Variants in MCM3AP observed in about 807,000 individuals in gnomAD.
MCM3AP encodes the protein germinal-center associated nuclear protein.
MCM3AP carries 126 observed loss-of-function variants against 184.1 expected under a neutral mutation model. That is an observed-to-expected ratio of 0.68 (90% CI 0.59 to 0.79). MCM3AP has a LOEUF of 0.79. Among genes scored for constraint, MCM3AP ranks in the 30% least tolerant of loss-of-function variants. MCM3AP has a pLI of 0.00. For synonymous variants in MCM3AP, 1,002 were observed against 979.3 expected, an observed-to-expected ratio of 1.02 and a Z score of -0.43; for missense variants, 2,496 against 2,479.2, an observed-to-expected ratio of 1.01 and a Z score of -0.14.
At chr21:46,246,022 TTA>T (rs2033604208) in intron 22 of MCM3AP, among the ~76,000 whole-genome samples, 1 of 152,252 alleles carries the variant, frequency 6.6e-6, no homozygotes, top group South Asian at 2.1e-4. Context: ...TGATTTCTGC[TTA>T]TGTTTTTAGA....
chr21:46,240,802 G>A lies in MCM3AP; in HGVS notation c.5633+9C>T, dbSNP rs893351720. The A allele has an allele frequency of 6.2e-7, 1 of 1,612,274 alleles. No homozygotes were observed. The highest frequency in any genetic ancestry group is 8.5e-7 in the Non-Finnish European group (1 of 1,178,942). On this transcript the variant is annotated intron_variant, in intron 26 of 27. Transcript: ENST00000291688. ...AAACACACATGAATTAGAAGGAAGT[G>A]GGCTTCACCTCTTGTTCTCTTCTTT...
At chr21:46,268,958 A>G (rs2145686471) in intron 9 of MCM3AP, among the ~76,000 whole-genome samples, 1 of 152,188 alleles carries the variant, frequency 6.6e-6, no homozygotes, top group South Asian at 2.1e-4. Flanking sequence ...GAATCACTTG[A>G]ACCCAGGAGG....
chr21:46,270,373 A>G (rs2145689660), intron 9 of MCM3AP, 28 bp downstream of exon 9: 2 of 1,587,984 alleles, frequency 1.3e-6, no homozygotes, highest in Non-Finnish European at 1.7e-6. Context: ...CTTTCTTCCA[A>G]CTCTGCAAGC....
In MCM3AP at chr21:46,265,481, G is replaced by A; in HGVS notation, c.3074C>T (p.Pro1025Leu). Residue 1025 changes from proline to leucine, a missense_variant, in exon 12 of 28, where the codon CCC becomes CTC. By Grantham distance (98) the Pro-to-Leu change is moderately conservative. Transcript: ENST00000291688. ...GEECGVEPDA[P>L]LSSLPQSLPA... ...TAGAGACTGTGGGAGACTGGACAGG[G>A]GTGCATCCGGCTCTACACCACACTC... is the stretch of plus-strand genomic sequence containing the variant. 1 of 1,606,738 alleles carries A rather than the reference G, an allele frequency of 6.2e-7. No individual in the cohort carries two copies. Among genetic ancestry groups the A allele is most frequent in the Non-Finnish European group, 8.5e-7 (1 of 1,176,356 alleles).
At chr21:46,262,197 G>A (rs1462557196) in intron 13 of MCM3AP, among the ~76,000 whole-genome samples, 2 of 152,166 alleles carry the variant, frequency 1.3e-5, no homozygotes, top group East Asian at 1.9e-4. Context: ...GAGACCAGAA[G>A]GTTTCACTGG....
intron 25 of MCM3AP, chr21:46,242,456 A>AC (rs1648024586): frequency 1.2e-5 from 2 of 163,492 alleles, no homozygotes; most frequent in Admixed American, 1.3e-4. Context: ...GCAACAAATT[A>AC]CATTAATAGA....
chr21:46,244,944 G>C lies in MCM3AP; in HGVS notation c.4901C>G (p.Pro1634Arg). 6.2e-7 allele frequency: 1 copy of C among 1,614,224 alleles called. No individual in the cohort carries two copies. Among genetic ancestry groups the C allele is most frequent in the East Asian group, 2.2e-5 (1 of 44,880 alleles). ...CCCTGCCTCAGCAAACTCAGTGACA[G>C]GCCAGGACAGGTCACACAGCTGTTC... ...SSEQLCDLSW[P>R]VTEFAEAGGS... Residue 1634 changes from proline (P) to arginine (R), a missense_variant, in exon 23 of 28, where the codon CCT (proline) becomes CGT (arginine). By Grantham distance (103) the Pro-to-Arg change is moderately radical. Transcript: ENST00000291688.
rs1443708596 is a variant in MCM3AP at position 46,238,080 on chromosome 21, C to T, written c.5634-1101G>A. Among the ~76,000 whole-genome samples, 2 of 75,618 alleles carry T rather than the reference C, an allele frequency of 2.6e-5. 1 individual carries two copies. The highest frequency in any genetic ancestry group is 5.0e-5 in the Non-Finnish European group (2 of 40,070). 49.6% of individuals were successfully genotyped at this position (75,618 alleles called of 152,430 possible). Reference sequence around the variant, plus strand: ...CGCCATTGCACTCCAGCCAGGGCAACAAGAGCAAAACTCCATCTCAAAAAA... The same window carrying T: ...CGCCATTGCACTCCAGCCAGGGCAATAAGAGCAAAACTCCATCTCAAAAAA... On this transcript the variant is annotated intron_variant, in intron 26 of 27. Coordinates refer to ENST00000291688, the MANE Select transcript of MCM3AP (RefSeq NM_003906.5).
Position 46,240,941 on chromosome 21 carries a change from T to G in MCM3AP, c.5503A>C (p.Arg1835=). The change falls in exon 26 of 28, where the codon AGG becomes CGG. Residue 1835 remains arginine, a synonymous_variant. Coordinates refer to ENST00000291688, the MANE Select transcript of MCM3AP (RefSeq NM_003906.5). ...PLLHMHRNWK[R]STECAQEGRI... ...CCCTCTTGAGCACACTCTGTGCTCCTCTTCCAGTTACGGTGCATGTGAAGC... is the reference window on the plus strand; with the variant it reads ...CCCTCTTGAGCACACTCTGTGCTCCGCTTCCAGTTACGGTGCATGTGAAGC... 2 of 1,613,954 alleles carry G rather than the reference T, an allele frequency of 1.2e-6. No individual in the cohort carries two copies. Among genetic ancestry groups the G allele is most frequent in the Non-Finnish European group, 1.7e-6 (2 of 1,179,786 alleles).
In MCM3AP at chr21:46,263,456, C is replaced by T. The variant is rs143443735; in HGVS notation, c.3335+661G>A. Among the ~76,000 whole-genome samples the T allele has an allele frequency of 3.0e-3, 457 of 151,968 alleles. 4 individuals are homozygous for T. Among genetic ancestry groups the T allele is most frequent in the African/African-American group, 0.01 (427 of 41,468 alleles). On this transcript the variant is annotated intron_variant, in intron 13 of 27. Coordinates refer to ENST00000291688, the MANE Select transcript of MCM3AP (RefSeq NM_003906.5). ...GACCTAAATAAATGGAAAGACATCC[C>T]ACATTCTCAGATTAGAAGATTTAAT...
chr21:46,277,567 C>T lies in MCM3AP; in HGVS notation c.1818G>A (p.Lys606=). ...TGTCTCTCTGGTCAAGCAGGCGGTA[C>T]TTCTCCTTGGATGTCTCAGCCACAG... ...IGTVAETSKE[K]YRLLDQRDRI... The change falls in exon 5 of 28, where the codon AAG becomes AAA. Residue 606 remains lysine (K), a synonymous_variant. Coordinates refer to ENST00000291688, the MANE Select transcript of MCM3AP (RefSeq NM_003906.5). 1.2e-6 allele frequency: 2 copies of T among 1,602,528 alleles called. No individual in the cohort carries two copies. Among genetic ancestry groups the T allele is most frequent in the Non-Finnish European group, 1.7e-6 (2 of 1,174,846 alleles).
At chr21:46,261,977 T>A (rs1232168640) in intron 13 of MCM3AP, among the ~76,000 whole-genome samples, 1 of 152,168 alleles carries the variant, frequency 6.6e-6, no homozygotes, top group Non-Finnish European at 1.5e-5. Flanking sequence ...ATACAAATAT[T>A]CCAAAATCCA....
rs76483768 is a variant in MCM3AP, at chr21:46,284,831, T to C, written c.456A>G (p.Ala152=). 1.3e-4 allele frequency: 207 copies of C among 1,614,098 alleles called. 2 individuals carry two copies. The East Asian group carries it at 4.6e-3, about 36-fold the overall frequency. ...CAGCCCCCAGTATTGGTTTGAACAC[T>C]GCATTTTCCAGAGGTTTAAAGCTGA... The part of the protein sequence containing the change: ...TEFSFKPLEN[A]VFKPILGAES... Residue 152 remains alanine, a synonymous_variant, in exon 1 of 28, where the codon GCA becomes GCG. Transcript: ENST00000291688.
intron 10 of MCM3AP, chr21:46,266,431 G>GGACAGAACTGGAAGGAGGA (rs892509597): frequency 1.2e-5 from 4 of 346,778 alleles, no homozygotes; most frequent in Admixed American, 4.7e-5. Flanking sequence ...AATTTTCTGA[G>GGACAGAACTGGAAGGAGGA]GACAGAACTG....
At chr21:46,277,051 C>T (rs1353150584) in intron 5 of MCM3AP, among the ~76,000 whole-genome samples, 1 of 152,080 alleles carries the variant, frequency 6.6e-6, no homozygotes, top group South Asian at 2.1e-4. Flanking sequence ...ATGCCCAGCC[C>T]GGCTGAAATT....
chr21:46,252,682 T>TAAAAAAGAAAAAAACAAAAA, intron 19 of MCM3AP: 1 of 138,248 alleles, frequency 7.2e-6, no homozygotes. Context: ...AGACTCCATC[T>TAAAAAAGAAAAAAACAAAAA]AAAAAAAAAA....
In MCM3AP at chr21:46,240,978, A is replaced by G. The variant is rs561370406; in HGVS notation, c.5466T>C (p.Phe1822=). ...GGTGCATGTGAAGCAATGGTATGGG[A>G]AAATTGTTTGCAGAAGGATGAAAAG... The part of the protein sequence containing the change: ...IKPFHPSANN[F]PIPLLHMHRN... The change falls in exon 26 of 28, where the codon TTT becomes TTC. Residue 1822 remains phenylalanine (F), a synonymous_variant. Coordinates refer to ENST00000291688, the MANE Select transcript of MCM3AP (RefSeq NM_003906.5). 7 of 1,613,994 alleles carry G rather than the reference A, an allele frequency of 4.3e-6. No individual in the cohort carries two copies. The highest frequency in any genetic ancestry group is 2.2e-5 in the East Asian group (1 of 44,888).
chr21:46,240,249 T>C (rs2080634868), intron 26 of MCM3AP, among the ~76,000 whole-genome samples: 1 of 152,032 alleles, frequency 6.6e-6, no homozygotes, highest in South Asian at 2.1e-4. Flanking sequence ...AGGAAGGGGA[T>C]ATAGGGAGGA....
chr21:46,236,912 G>A lies in MCM3AP; in HGVS notation c.5701C>T (p.Pro1901Ser). The A allele has an allele frequency of 1.3e-6, 2 of 1,575,788 alleles. No homozygotes were observed. The highest frequency in any genetic ancestry group is 8.6e-7 in the Non-Finnish European group (1 of 1,166,262). The change falls in exon 27 of 28, where the codon CCC (proline) becomes TCC (serine). Residue 1901 changes from proline to serine, a missense_variant. Physicochemically the swap from Pro to Ser is moderately conservative, Grantham distance 74. This residue lies in a region of MCM3AP where 1,323 missense variants were observed against 1,273.4 expected (regional missense o/e 1.04). Transcript: ENST00000291688. ...ACTAGAGTCTGAGGAAGATAGAGGGGAAGGGAAGTTAAATCCGTAAATGCT... is the reference window on the plus strand; with the variant it reads ...ACTAGAGTCTGAGGAAGATAGAGGGAAAGGGAAGTTAAATCCGTAAATGCT... ...SGAFTDLTSL[P>S]LYLPQTLVSL...
Sources: gnomAD v4.1 joint callset for allele counts (sites outside exome capture counted in the v4.1 genomes callset) on GRCh38, gnomAD v4.1.1 for gene constraint, gnomAD v4.1.1 regional missense constraint, MANE v1.5 for transcripts, NCBI Gene and HGNC (gene_info 2026-07-23, HGNC 2026-07-21) for gene names.